Variants in CDHR2 observed in about 807,000 individuals in gnomAD.
The protein encoded by CDHR2 is cadherin related family member 2.
CDHR2 carries 104 observed loss-of-function variants against 138.6 expected under a neutral mutation model. That is an observed-to-expected ratio of 0.75 (90% CI 0.64 to 0.88). The LOEUF is 0.88. Among genes scored for constraint, CDHR2 ranks in the 40% least tolerant of loss-of-function variants. The probability of loss-of-function intolerance (pLI) is 0.00; values close to 1 mark genes in which losing one functional copy is unlikely to be tolerated. For missense variants in CDHR2, 1,624 were observed against 1,727.6 expected (o/e 0.94, Z 1.06); for synonymous variants, 755 against 742.8 (o/e 1.02, Z -0.27).
Position 176,590,245 on chromosome 5 carries a change from C to G in CDHR2, c.3276-8C>G. On this transcript the variant is annotated splice_polypyrimidine_tract_variant and splice_region_variant and intron_variant, in intron 25 of 31. Transcript: ENST00000261944. Reference sequence around the variant, plus strand: ...GGCTCCTGACTCTTCAACTCTGTCCCGCTCCAGGGCCCGACCTCACTCCTA... The same window carrying G: ...GGCTCCTGACTCTTCAACTCTGTCCGGCTCCAGGGCCCGACCTCACTCCTA... 1 of 1,614,096 alleles carries G rather than the reference C, an allele frequency of 6.2e-7. No individual in the cohort carries two copies. The highest frequency in any genetic ancestry group is 8.5e-7 in the Non-Finnish European group (1 of 1,179,996).
chr5:176,579,575 T>A (rs996768870), intron 16 of CDHR2, among the ~76,000 whole-genome samples: 1 of 152,108 alleles, frequency 6.6e-6, no homozygotes, highest in African/African-American at 2.4e-5. Flanking sequence ...CAGGGAGCAC[T>A]TGATGAATTA....
chr5:176,575,102 G>A lies in CDHR2; in HGVS notation c.514G>A (p.Asp172Asn), dbSNP rs1581140818. Residue 172 changes from aspartate (D) to asparagine (N), a missense_variant, in exon 8 of 32, where the codon GAC (aspartate) becomes AAC (asparagine). Around this residue, in one of 3 missense-constraint regions of CDHR2, gnomAD observed 1,061 missense variants for 1,136.6 expected, o/e 0.93. Transcript: ENST00000261944. ...SIEKVIPSTG[D>N]SEHLFRILAN... The stretch of plus-strand genomic sequence containing the variant: ...GCCCCAGGTCATCCCTAGCACTGGG[G>A]ACAGCGAGCATCTCTTCCGGATCCT... 5 of 1,614,154 alleles carry A rather than the reference G, an allele frequency of 3.1e-6. No individual in the cohort carries two copies. In the East Asian group the frequency reaches 1.1e-4, roughly 36 times the overall value.
rs759318634 is a variant in CDHR2, at chr5:176,577,735, C to T, written c.1449C>T (p.Ser483=). ...INDHRPTFPQ[S]LYVLTVPEHS... is the part of the protein sequence containing the mutation. The stretch of plus-strand genomic sequence containing the variant: ...ACCACAGGCCCACGTTTCCCCAGAG[C>T]TTGTACGTCCTCACGGTGCCAGAGC... Residue 483 remains serine, a synonymous_variant, in exon 14 of 32, where the codon AGC becomes AGT. Transcript: ENST00000261944. 2 of 1,614,236 alleles carry T rather than the reference C, an allele frequency of 1.2e-6. No homozygotes were observed. The highest frequency in any genetic ancestry group is 2.7e-5 in the African/African-American group (2 of 75,062).
intron 1 of CDHR2, among the ~76,000 whole-genome samples, chr5:176,549,808 C>T (rs965114006): frequency 6.6e-6 from 1 of 152,222 alleles, no homozygotes; most frequent in African/African-American, 2.4e-5. Flanking sequence ...GTTCACATCC[C>T]AGCTCCACCC....
intron 16 of CDHR2, 26 bp downstream of exon 16, chr5:176,578,634 G>C (rs745561867): frequency 1.2e-6 from 2 of 1,604,048 alleles, no homozygotes; most frequent in Non-Finnish European, 1.7e-6. Context: ...GACCTGGTGG[G>C]TAAGGCTGGG....
rs1306048444 is a variant in CDHR2 at position 176,584,697 on chromosome 5, C to T, written c.2416C>T (p.Pro806Ser). ...VNVKDVNDNP[P>S]TLDVASLRGI... ...TGTGAAAGACGTGAACGACAATCCC[C>T]CCACCCTGGATGTAGCCTCACTCCG... is the stretch of plus-strand genomic sequence containing the variant. The change falls in exon 19 of 32, where the codon CCC (proline) becomes TCC (serine). Residue 806 changes from proline (P) to serine (S), a missense_variant. Around this residue, in one of 3 missense-constraint regions of CDHR2, gnomAD observed 1,061 missense variants for 1,136.6 expected, o/e 0.93. Coordinates refer to ENST00000261944, the MANE Select transcript of CDHR2 (RefSeq NM_017675.6). 6.2e-7 allele frequency: 1 copy of T among 1,614,162 alleles called. No individual in the cohort carries two copies. Among genetic ancestry groups the T allele is most frequent in the Non-Finnish European group, 8.5e-7 (1 of 1,180,028 alleles).
rs895884390 is a variant in CDHR2 at position 176,595,781 on chromosome 5, G to C, written c.*109G>C. On this transcript the variant is annotated 3_prime_UTR_variant, in exon 32 of 32. Coordinates refer to ENST00000261944, the MANE Select transcript of CDHR2 (RefSeq NM_017675.6). ...GACGCTGCCCTGCCTCCTGCTTTTG[G>C]CCAATCACGGCAGACAGGGGTTGGG... 2.0e-5 allele frequency: 22 copies of C among 1,102,034 alleles called. No homozygotes were observed. The highest frequency in any genetic ancestry group is 1.4e-4 in the Admixed American group (5 of 35,644). 68.3% of individuals were successfully genotyped at this position (1,102,034 alleles called of 1,614,324 possible).
At position 176,589,514 on chromosome 5, in the gene CDHR2, C is replaced by T. The variant is rs1758782272; in HGVS notation, c.3118-14C>T. 1 of 1,614,016 alleles carries T rather than the reference C, an allele frequency of 6.2e-7. No individual in the cohort carries two copies. Among genetic ancestry groups the T allele is most frequent in the Non-Finnish European group, 8.5e-7 (1 of 1,179,932 alleles). On this transcript the variant is annotated splice_polypyrimidine_tract_variant and intron_variant, in intron 23 of 31. Coordinates refer to ENST00000261944, the MANE Select transcript of CDHR2 (RefSeq NM_017675.6). ...GGTCCCTGGTGCCTCATCTCCTGCA[C>T]ACCCCCTTCCCAGCTCTTCACCGTG...
chr5:176,580,540 A>G (rs1396649282), intron 16 of CDHR2, among the ~76,000 whole-genome samples: 5 of 151,308 alleles, frequency 3.3e-5, no homozygotes, highest in African/African-American at 7.3e-5. Context: ...AAAAAAAAAA[A>G]AAAGAAAGAA....
chr5:176,591,238 G>C lies in CDHR2; in HGVS notation c.3568G>C (p.Ala1190Pro). The C allele has an allele frequency of 6.2e-7, 1 of 1,613,900 alleles. No individual in the cohort carries two copies. Among genetic ancestry groups the C allele is most frequent in the Non-Finnish European group, 8.5e-7 (1 of 1,179,952 alleles). The change falls in exon 29 of 32, where the codon GCT (alanine) becomes CCT (proline). Residue 1190 changes from alanine (A) to proline (P), a missense_variant. Physicochemically the swap from Ala to Pro is conservative, Grantham distance 27 (BLOSUM62 -1). This residue lies in a region of CDHR2 where 556 missense variants were observed against 565.7 expected (regional missense o/e 0.98). Transcript: ENST00000261944. ...SYNRKLQAMK[A>P]AKEARKTAAG... is the part of the protein sequence containing the mutation. ...CAACCGGAAGCTTCAAGCTATGAAG[G>C]CTGCCAAGGAGGCCAGGAAGACAGC...
intron 5 of CDHR2, among the ~76,000 whole-genome samples, chr5:176,570,733 C>T (rs1246050826): frequency 6.6e-6 from 1 of 152,126 alleles, no homozygotes; most frequent in East Asian, 1.9e-4. Context: ...GGGCAGATCA[C>T]CTGAGGTCGG....
chr5:176,579,632 C>A (rs911935042), intron 16 of CDHR2, among the ~76,000 whole-genome samples: 5 of 152,146 alleles, frequency 3.3e-5, no homozygotes, highest in African/African-American at 1.2e-4. Context: ...CAGGATGAGG[C>A]TTTTGGAAAA....
At chr5:176,554,897 G>T (rs989195928) in intron 1 of CDHR2, among the ~76,000 whole-genome samples, 3 of 152,120 alleles carry the variant, frequency 2.0e-5, no homozygotes, top group Non-Finnish European at 4.4e-5. Flanking sequence ...CAAGTGATCT[G>T]CCCGCCTTGG....
chr5:176,546,921 A>G (rs1757596399), upstream of CDHR2, among the ~76,000 whole-genome samples: 2 of 152,076 alleles, frequency 1.3e-5, no homozygotes, highest in African/African-American at 4.8e-5. Context: ...TTGGGTATCA[A>G]AACTCAGAAC....
chr5:176,558,107 G>T (rs755029541), intron 1 of CDHR2, among the ~76,000 whole-genome samples: 5 of 152,112 alleles, frequency 3.3e-5, no homozygotes, highest in African/African-American at 4.8e-5. Context: ...TCGACCATGG[G>T]AACGGGACCC....
upstream of CDHR2, among the ~76,000 whole-genome samples, chr5:176,544,397 T>A (rs1161116937): frequency 6.6e-6 from 1 of 151,220 alleles, no homozygotes; most frequent in Non-Finnish European, 1.5e-5. Context: ...CTTTTTTTCT[T>A]TCTTCTATTT....
chr5:176,588,814 G>A (rs4868661), intron 21 of CDHR2, among the ~76,000 whole-genome samples: 103,418 of 151,934 alleles, frequency 0.68, 35,658 homozygotes, highest in Non-Finnish European at 0.72. Context: ...TGATCTGTTT[G>A]GAGTTGGGGA....
chr5:176,577,959 T>C, intron 14 of CDHR2, 75 bp from the exon 15 acceptor site: 1 of 1,514,720 alleles, frequency 6.6e-7, no homozygotes. Flanking sequence ...ACGACAGCTC[T>C]GTCCCCACGA....
At chr5:176,594,858 C>T (rs568545978) in intron 31 of CDHR2, among the ~76,000 whole-genome samples, 1 of 152,150 alleles carries the variant, frequency 6.6e-6, no homozygotes, top group African/African-American at 2.4e-5. Context: ...TGTGTGTGCA[C>T]GCACACAGCA....
Sources: allele counts gnomAD v4.1 joint callset (sites outside exome capture counted in the v4.1 genomes callset), GRCh38; gene constraint gnomAD v4.1.1; regional missense constraint gnomAD v4.1.1; transcripts MANE v1.5; gene names NCBI Gene and HGNC (gene_info 2026-07-23, HGNC 2026-07-21).